Variants in CACNA1B observed in about 807,000 individuals in gnomAD.
CACNA1B encodes calcium voltage-gated channel subunit alpha1 B, also known as voltage-dependent N-type calcium channel subunit alpha-1B.
Under a neutral mutation model 247.2 loss-of-function variants are expected in CACNA1B, and 70 were observed. The ratio of observed to expected loss-of-function variants is 0.28; its 90% confidence interval spans 0.23 to 0.35. The LOEUF (loss-of-function observed/expected upper bound fraction) is 0.35, where lower values mean the gene tolerates loss of function less well. Ranked by LOEUF, CACNA1B falls within the 10% of genes least tolerant of loss-of-function variation. CACNA1B has a pLI of 1.00. For synonymous variants in CACNA1B, 1,231 were observed against 1,294.4 expected, an observed-to-expected ratio of 0.95 and a Z score of 1.05; for missense variants, 2,367 against 3,197.4, an observed-to-expected ratio of 0.74 and a Z score of 6.26.
chr9:138,070,149 G>T (rs574785374), intron 32 of CACNA1B, among the ~76,000 whole-genome samples: 1 of 152,232 alleles, frequency 6.6e-6, no homozygotes, highest in Non-Finnish European at 1.5e-5. Context: ...CATGGTTCCT[G>T]TTGCGCAGCC....
At chr9:138,086,384 G>C (rs1005041591) in intron 36 of CACNA1B, among the ~76,000 whole-genome samples, 5 of 151,134 alleles carry the variant, frequency 3.3e-5, no homozygotes, top group African/African-American at 9.8e-5. Context: ...AAGAAGCCCA[G>C]TGTGGTGGTG....
chr9:138,088,525 CTG>C (rs1474024739), intron 36 of CACNA1B, among the ~76,000 whole-genome samples: 1 of 151,980 alleles, frequency 6.6e-6, no homozygotes, highest in Non-Finnish European at 1.5e-5. Context: ...TTATGAACAA[CTG>C]TACACCAACA....
chr9:138,088,820 G>A (rs566654383), intron 36 of CACNA1B, among the ~76,000 whole-genome samples: 33 of 151,414 alleles, frequency 2.2e-4, no homozygotes, highest in Admixed American at 3.9e-4. Context: ...TTAGCCAGGC[G>A]TGGTGGTGCA....
At chr9:137,953,674 A>G (rs1957905598) in intron 7 of CACNA1B, among the ~76,000 whole-genome samples, 1 of 151,986 alleles carries the variant, frequency 6.6e-6, no homozygotes, top group African/African-American at 2.4e-5. Context: ...CCACTGGGGG[A>G]CTAGGAATGA....
intron 35 of CACNA1B, among the ~76,000 whole-genome samples, chr9:138,077,867 G>C (rs766616013): frequency 1.3e-5 from 2 of 152,254 alleles, no homozygotes; most frequent in Non-Finnish European, 2.9e-5. Flanking sequence ...AGAAGTGCTC[G>C]CCCTGGCGCT....
chr9:138,026,126 A>T (rs1185793122), intron 20 of CACNA1B, among the ~76,000 whole-genome samples: 1 of 152,194 alleles, frequency 6.6e-6, no homozygotes. Flanking sequence ...CTCCAGACAC[A>T]CACATGTGCA....
At chr9:138,110,085 C>T (rs947188219) in intron 39 of CACNA1B, among the ~76,000 whole-genome samples, 1 of 149,448 alleles carries the variant, frequency 6.7e-6, no homozygotes, top group Admixed American at 6.8e-5. Flanking sequence ...TGAACTACAG[C>T]AAAACTTTTG....
At chr9:137,936,327 G>C (rs1589018075) in intron 6 of CACNA1B, among the ~76,000 whole-genome samples, 1 of 152,158 alleles carries the variant, frequency 6.6e-6, no homozygotes, top group African/African-American at 2.4e-5. Flanking sequence ...TTTTGATGGG[G>C]TTGTTTGATT....
At chr9:138,004,490 C>T (rs150924621) in intron 15 of CACNA1B, among the ~76,000 whole-genome samples, 9 of 146,738 alleles carry the variant, frequency 6.1e-5, no homozygotes, top group African/African-American at 2.3e-4. Flanking sequence ...GCAGAAGTTG[C>T]AGTGGGCCAA....
At chr9:138,111,983 G>C (rs1276020661) in intron 39 of CACNA1B, among the ~76,000 whole-genome samples, 4 of 151,540 alleles carry the variant, frequency 2.6e-5, no homozygotes, top group Non-Finnish European at 5.9e-5. Flanking sequence ...GTAGACTAAA[G>C]CGTTGTCAAC....
At chr9:138,083,870 T>C (rs1308229312) in intron 36 of CACNA1B, among the ~76,000 whole-genome samples, 1 of 150,624 alleles carries the variant, frequency 6.6e-6, no homozygotes, top group Non-Finnish European at 1.5e-5. Flanking sequence ...TCACAGAACC[T>C]GGGATACTGC....
chr9:138,058,858 C>T lies in CACNA1B; in HGVS notation c.4473+125C>T. Reference sequence around the variant, plus strand: ...GCCAAAGCAGTAGTGGCCTTGCATCCTGGCCAGCATGGGATGCCTGTGGAA... The same window carrying T: ...GCCAAAGCAGTAGTGGCCTTGCATCTTGGCCAGCATGGGATGCCTGTGGAA... On this transcript the variant is annotated intron_variant, in intron 29 of 46. Coordinates refer to ENST00000371372, the MANE Select transcript of CACNA1B (RefSeq NM_000718.4). This position sits in a 1 kb window ranked among gnomAD's most constrained non-coding sequence, Gnocchi z 4.7. 5.6e-6 allele frequency: 5 copies of T among 892,574 alleles called. No individual in the cohort carries two copies. Among genetic ancestry groups the T allele is most frequent in the Non-Finnish European group, 8.8e-6 (5 of 569,500 alleles). 55.3% of individuals were successfully genotyped at this position (892,574 alleles called of 1,614,324 possible). A position where few individuals can be genotyped will look rare whatever the true frequency, so the allele number is the denominator to read the frequency against.
At position 137,917,595 on chromosome 9, in the gene CACNA1B, G is replaced by A. The variant is rs1188649690; in HGVS notation, c.966+164G>A. ...GAAATGCAGGCTCTTTCCGGCAGACGCCCCACCCAAGGGTCCACCACAGGC... is the reference window on the plus strand; with the variant it reads ...GAAATGCAGGCTCTTTCCGGCAGACACCCCACCCAAGGGTCCACCACAGGC... On this transcript the variant is annotated intron_variant, in intron 6 of 46. Coordinates refer to ENST00000371372, the MANE Select transcript of CACNA1B (RefSeq NM_000718.4). This position sits in a 1 kb window ranked among gnomAD's most constrained non-coding sequence, Gnocchi z 5.5. Among the ~76,000 whole-genome samples, 3 of 152,160 alleles carry A rather than the reference G, an allele frequency of 2.0e-5. No individual in the cohort carries two copies. Among genetic ancestry groups the A allele is most frequent in the African/African-American group, 4.8e-5 (2 of 41,444 alleles).
At chr9:138,092,425 A>T (rs1231547155) in intron 36 of CACNA1B, among the ~76,000 whole-genome samples, 1 of 152,250 alleles carries the variant, frequency 6.6e-6, no homozygotes, top group Non-Finnish European at 1.5e-5. Flanking sequence ...TTCTGCAAGA[A>T]GAGAAATATG....
chr9:138,091,850 C>G (rs1460618769), intron 36 of CACNA1B, among the ~76,000 whole-genome samples: 1 of 152,064 alleles, frequency 6.6e-6, no homozygotes. Flanking sequence ...TCTATTTTTC[C>G]TAAGTGTCGG....
chr9:137,932,596 CTT>C (rs764267004), intron 6 of CACNA1B, among the ~76,000 whole-genome samples: 3 of 152,192 alleles, frequency 2.0e-5, no homozygotes, highest in Non-Finnish European at 2.9e-5. Context: ...CAGCAGTTCT[CTT>C]TTCCCAGTGG....
At chr9:138,042,933 C>A (rs1182313170) in intron 20 of CACNA1B, among the ~76,000 whole-genome samples, 1 of 152,202 alleles carries the variant, frequency 6.6e-6, no homozygotes, top group Non-Finnish European at 1.5e-5. Flanking sequence ...TGAGTTGCAG[C>A]AGTGGGAGGC....
Position 137,973,405 on chromosome 9 carries a change from C to G in CACNA1B, c.1543+1813C>G, listed in dbSNP as rs1180405940. On this transcript the variant is annotated intron_variant, in intron 11 of 46. Coordinates refer to ENST00000371372, the MANE Select transcript of CACNA1B (RefSeq NM_000718.4). This position sits in a 1 kb window ranked among gnomAD's most constrained non-coding sequence, Gnocchi z 4.1. ...CTAGAGCAGCTTTGCAGGGGCTCATCGTGGGTTCTGTGCACCTCGGCTGTC... is the reference window on the plus strand; with the variant it reads ...CTAGAGCAGCTTTGCAGGGGCTCATGGTGGGTTCTGTGCACCTCGGCTGTC... Among the ~76,000 whole-genome samples, 1 of 152,162 alleles carries G rather than the reference C, an allele frequency of 6.6e-6. No individual in the cohort carries two copies. The highest frequency in any genetic ancestry group is 2.4e-5 in the African/African-American group (1 of 41,436).
chr9:138,000,290 G>A (rs926421866), intron 15 of CACNA1B, among the ~76,000 whole-genome samples: 8 of 152,014 alleles, frequency 5.3e-5, no homozygotes, highest in Non-Finnish European at 8.8e-5. Context: ...AGTAGAGACA[G>A]GGTTTCACCG....
Sources: allele counts gnomAD v4.1 joint callset (sites outside exome capture counted in the v4.1 genomes callset), GRCh38; gene constraint gnomAD v4.1.1; non-coding constraint Gnocchi (gnomAD v3.1); transcripts MANE v1.5; gene names NCBI Gene and HGNC (gene_info 2026-07-23, HGNC 2026-07-21).